Variants in BCAS1 observed in about 807,000 individuals in gnomAD.
The protein encoded by BCAS1 is brain enriched myelin associated protein 1, also known as breast carcinoma-amplified sequence 1.
A neutral mutation model predicts 65.4 loss-of-function variants in BCAS1; 46 were observed. The observed-to-expected ratio is 0.70, with a 90% CI of 0.55 to 0.90. BCAS1 has a LOEUF of 0.90. Among genes scored for constraint, BCAS1 ranks in the 40% least tolerant of loss-of-function variants. BCAS1 has a pLI of 0.00. For synonymous variants in BCAS1, 298 were observed against 293.5 expected (o/e 1.02, Z -0.16); for missense variants, 793 against 771.2 (o/e 1.03, Z -0.33).
chr20:53,991,044 A>C (rs149702592), intron 7 of BCAS1, among the ~76,000 whole-genome samples: 1 of 152,338 alleles, frequency 6.6e-6, no homozygotes, highest in Non-Finnish European at 1.5e-5. Flanking sequence ...GTGGCAAGAG[A>C]TACTGCAGAC....
intron 4 of BCAS1, among the ~76,000 whole-genome samples, chr20:54,006,268 C>T (rs1057135758): frequency 1.1e-4 from 17 of 152,188 alleles, no homozygotes; most frequent in Non-Finnish European, 7.3e-5. Context: ...CCTCCCTAAA[C>T]TCACATGCAC....
At chr20:53,999,679 CT>C (rs1302932328) in intron 4 of BCAS1, among the ~76,000 whole-genome samples, 2 of 152,128 alleles carry the variant, frequency 1.3e-5, no homozygotes, top group Non-Finnish European at 2.9e-5. Flanking sequence ...GGCTGAGCTT[CT>C]GCCTGCCAGG....
chr20:53,999,686 C>T (rs1195465415), intron 4 of BCAS1, among the ~76,000 whole-genome samples: 1 of 152,130 alleles, frequency 6.6e-6, no homozygotes, highest in Non-Finnish European at 1.5e-5. Context: ...CTTCTGCCTG[C>T]CAGGAGCATG....
At chr20:53,960,013 C>T (rs1333439548) in intron 10 of BCAS1, among the ~76,000 whole-genome samples, 6 of 152,218 alleles carry the variant, frequency 3.9e-5, no homozygotes, top group East Asian at 1.9e-4. Flanking sequence ...CCTCCAAATT[C>T]GGGCTGTGTC....
At position 53,982,684 on chromosome 20, in the gene BCAS1, T is replaced by G. The variant is rs898238599; in HGVS notation, c.1275+2603A>C. Among the ~76,000 whole-genome samples, 32 of 152,186 alleles carry G rather than the reference T, an allele frequency of 2.1e-4. 1 individual carries two copies. Among genetic ancestry groups the G allele is most frequent in the Admixed American group, 2.0e-3 (31 of 15,276 alleles). On this transcript the variant is annotated intron_variant, in intron 8 of 12. Transcript: ENST00000688948. ...AAAATTTACAAGGGTGATTTTATAA[T>G]CATAGTCTTTGTAATTTAACGAAAA... is the stretch of plus-strand genomic sequence containing the variant.
chr20:54,042,560 T>A (rs2092019163), intron 3 of BCAS1, among the ~76,000 whole-genome samples: 1 of 152,188 alleles, frequency 6.6e-6, no homozygotes, highest in Admixed American at 6.5e-5. Flanking sequence ...AGGAGACAAC[T>A]TATAAATAGA....
At chr20:53,964,061 A>C (rs1333555790) in intron 10 of BCAS1, among the ~76,000 whole-genome samples, 1 of 152,252 alleles carries the variant, frequency 6.6e-6, no homozygotes, top group Non-Finnish European at 1.5e-5. Flanking sequence ...CCTGGAACAT[A>C]GTGGACACTC....
At chr20:53,990,136 A>G (rs1251819194) in intron 7 of BCAS1, among the ~76,000 whole-genome samples, 2 of 152,222 alleles carry the variant, frequency 1.3e-5, no homozygotes, top group African/African-American at 4.8e-5. Flanking sequence ...AAAACAATGA[A>G]TGAATGGTAG....
chr20:54,037,858 A>G (rs926678967), intron 3 of BCAS1, among the ~76,000 whole-genome samples: 5 of 151,406 alleles, frequency 3.3e-5, no homozygotes, highest in African/African-American at 1.2e-4. Context: ...AAGATGAACA[A>G]AGTAGACAAA....
At chr20:53,980,289 A>G (rs1387006152) in intron 8 of BCAS1, among the ~76,000 whole-genome samples, 1 of 152,204 alleles carries the variant, frequency 6.6e-6, no homozygotes, top group Admixed American at 6.5e-5. Flanking sequence ...TAACTGATAA[A>G]AATTTTGAAT....
In BCAS1 at chr20:54,058,682, C is replaced by CTTCA. The variant is rs759308391; in HGVS notation, c.33_36dup (p.Asp13Ter). On this transcript the variant is annotated stop_gained and frameshift_variant, in exon 2 of 13. Coordinates refer to ENST00000688948, the MANE Select transcript of BCAS1 (RefSeq NM_001366298.2). LOFTEE classifies it high-confidence loss of function. Reference sequence around the variant, plus strand: ...TCTGCTTCTGGTTCATTCTCTTGGTCTTCAACTCTTTGGGGAACACTCATT... The same window carrying CTTCA: ...TCTGCTTCTGGTTCATTCTCTTGGTCTTCATTCAACTCTTTGGGGAACACTCATT... The CTTCA allele has an allele frequency of 3.1e-5, 49 of 1,566,038 alleles. No individual in the cohort carries two copies. Among genetic ancestry groups the CTTCA allele is most frequent in the Non-Finnish European group, 4.1e-5 (47 of 1,155,130 alleles).
intron 8 of BCAS1, among the ~76,000 whole-genome samples, chr20:53,978,976 A>C (rs1282903682): frequency 6.6e-6 from 1 of 152,218 alleles, no homozygotes; most frequent in African/African-American, 2.4e-5. Flanking sequence ...TTAAGGAAAA[A>C]ATAAAATAAG....
At chr20:53,960,645 GTTA>G (rs1236636374) in intron 10 of BCAS1, among the ~76,000 whole-genome samples, 4 of 152,102 alleles carry the variant, frequency 2.6e-5, no homozygotes, top group African/African-American at 7.2e-5. Context: ...TGTAGCAGCA[GTTA>G]TTATTAATAA....
At chr20:54,047,974 T>C (rs2092141909) in intron 3 of BCAS1, among the ~76,000 whole-genome samples, 1 of 152,220 alleles carries the variant, frequency 6.6e-6, no homozygotes, top group Non-Finnish European at 1.5e-5. Flanking sequence ...TTTCCTGCCA[T>C]AGCTGAAGTG....
At chr20:54,066,558 T>G (rs1001265975) in intron 1 of BCAS1, among the ~76,000 whole-genome samples, 38 of 152,190 alleles carry the variant, frequency 2.5e-4, no homozygotes, top group Non-Finnish European at 5.4e-4. Flanking sequence ...GAATCAAGGC[T>G]AAATGAAATC....
At chr20:53,989,337 A>G (rs2090696353) in intron 7 of BCAS1, among the ~76,000 whole-genome samples, 1 of 152,164 alleles carries the variant, frequency 6.6e-6, no homozygotes, top group South Asian at 2.1e-4. Context: ...CTACAGTTAT[A>G]GTAACTATAT....
intron 4 of BCAS1, among the ~76,000 whole-genome samples, chr20:53,996,498 A>T (rs958412024): frequency 6.6e-6 from 1 of 151,928 alleles, no homozygotes; most frequent in South Asian, 2.1e-4. Context: ...AGAAAAAGAA[A>T]AAGTACTGGT....
chr20:54,044,431 T>C (rs1479394823), intron 3 of BCAS1, among the ~76,000 whole-genome samples: 2 of 152,256 alleles, frequency 1.3e-5, no homozygotes, highest in Admixed American at 1.3e-4. Context: ...AATCAGACTG[T>C]ATGAGTCATG....
chr20:53,998,198 C>A (rs1354464167), intron 4 of BCAS1, among the ~76,000 whole-genome samples: 4 of 152,054 alleles, frequency 2.6e-5, no homozygotes, highest in African/African-American at 7.2e-5. Context: ...AGTGTCTGGA[C>A]AAGCAGTATA....
Sources: allele counts gnomAD v4.1 joint callset (sites outside exome capture counted in the v4.1 genomes callset), GRCh38; gene constraint gnomAD v4.1.1; transcripts MANE v1.5; gene names NCBI Gene and HGNC (gene_info 2026-07-23, HGNC 2026-07-21).